The following NR2F1-AS1 variants were observed in gnomAD, a reference collection of about 807,000 sequenced individuals.
NR2F1-AS1 encodes NR2F1 regulatory antisense RNA 1.
intron 4 of NR2F1-AS1, among the ~76,000 whole-genome samples, chr5:93,510,266 GT>G (rs1424455253): frequency 1.3e-5 from 2 of 152,210 alleles, no homozygotes; most frequent in East Asian, 3.9e-4. Context: ...GAACTAAAGA[GT>G]CTCTGATTTC....
At chr5:93,574,709 T>C (rs1752856916) in intron 1 of NR2F1-AS1, among the ~76,000 whole-genome samples, 1 of 152,184 alleles carries the variant, frequency 6.6e-6, no homozygotes, top group Admixed American at 6.5e-5. Context: ...TTTCTTATAT[T>C]TTTTTTCTTC....
chr5:93,581,358 G>A (rs958757059), upstream of NR2F1-AS1: 1 of 152,228 alleles, frequency 6.6e-6, no homozygotes, highest in Non-Finnish European at 1.5e-5. Context: ...TCAAAACGAG[G>A]GGGGTGCGAG....
chr5:93,447,507 A>G (rs1749739334), intron 4 of NR2F1-AS1, among the ~76,000 whole-genome samples: 1 of 152,220 alleles, frequency 6.6e-6, no homozygotes, highest in Non-Finnish European at 1.5e-5. Context: ...ACAATGAGAT[A>G]CCATCTCAAA....
intron 2 of NR2F1-AS1, among the ~76,000 whole-genome samples, chr5:93,561,544 G>A (rs1033108474): frequency 1.3e-5 from 2 of 151,988 alleles, no homozygotes; most frequent in African/African-American, 4.8e-5. Flanking sequence ...AGGCCAAAGC[G>A]GGAGGTTCGC....
At chr5:93,483,501 AC>A (rs1378808790) in intron 4 of NR2F1-AS1, among the ~76,000 whole-genome samples, 2 of 152,188 alleles carry the variant, frequency 1.3e-5, no homozygotes, top group Non-Finnish European at 2.9e-5. Context: ...AAAAAACAGC[AC>A]AAAAAAGCTG....
intron 4 of NR2F1-AS1, among the ~76,000 whole-genome samples, chr5:93,479,612 A>G (rs964210672): frequency 6.6e-6 from 1 of 152,220 alleles, no homozygotes; most frequent in Non-Finnish European, 1.5e-5. Flanking sequence ...CCAGTTCTCA[A>G]CAAAAAATTA....
At chr5:93,552,752 A>G (rs1295576877) in intron 4 of NR2F1-AS1, among the ~76,000 whole-genome samples, 1 of 152,154 alleles carries the variant, frequency 6.6e-6, no homozygotes, top group African/African-American at 2.4e-5. Context: ...TGATAACTCA[A>G]GTGAAAGCAA....
intron 4 of NR2F1-AS1, among the ~76,000 whole-genome samples, chr5:93,505,681 A>G (rs1233242248): frequency 1.3e-5 from 2 of 152,308 alleles, no homozygotes; most frequent in African/African-American, 2.4e-5. Flanking sequence ...CAAGCTTTAC[A>G]TTGGCCCCTT....
intron 4 of NR2F1-AS1, among the ~76,000 whole-genome samples, chr5:93,551,178 T>G (rs1752219377): frequency 6.6e-6 from 1 of 152,058 alleles, no homozygotes; most frequent in Non-Finnish European, 1.5e-5. Flanking sequence ...CAGGAAAATT[T>G]CATTCCTTCC....
intron 4 of NR2F1-AS1, among the ~76,000 whole-genome samples, chr5:93,530,215 G>C (rs1024589788): frequency 6.6e-6 from 1 of 151,676 alleles, no homozygotes; most frequent in Non-Finnish European, 1.5e-5. Context: ...ACAGTAGCTG[G>C]GACTACAGGT....
At chr5:93,563,108 G>A (rs1290466010) in intron 2 of NR2F1-AS1, among the ~76,000 whole-genome samples, 3 of 152,198 alleles carry the variant, frequency 2.0e-5, no homozygotes, top group Non-Finnish European at 4.4e-5. Context: ...CTAAAGTGAA[G>A]TCATTAAGAA....
intron 1 of NR2F1-AS1, among the ~76,000 whole-genome samples, chr5:93,572,793 T>G (rs1236391734): frequency 6.6e-6 from 1 of 152,250 alleles, no homozygotes; most frequent in Non-Finnish European, 1.5e-5. Context: ...TCCCCATCAA[T>G]TAACCACACC....
At chr5:93,493,372 T>C (rs1045252438) in intron 4 of NR2F1-AS1, among the ~76,000 whole-genome samples, 1 of 151,960 alleles carries the variant, frequency 6.6e-6, no homozygotes, top group Non-Finnish European at 1.5e-5. Flanking sequence ...TATTGTGTAA[T>C]ACACAATAAA....
chr5:93,458,047 C>T (rs778340820), intron 4 of NR2F1-AS1, among the ~76,000 whole-genome samples: 7 of 152,090 alleles, frequency 4.6e-5, no homozygotes, highest in Non-Finnish European at 7.4e-5. Context: ...AAAGCACCCA[C>T]GTTGGGCACC....
intron 4 of NR2F1-AS1, among the ~76,000 whole-genome samples, chr5:93,484,558 AC>A (rs1411523769): frequency 2.0e-5 from 3 of 152,134 alleles, no homozygotes; most frequent in Non-Finnish European, 4.4e-5. Flanking sequence ...GAGCAAAATA[AC>A]CACCTAGCAT....
chr5:93,550,304 C>T (rs189513747), intron 4 of NR2F1-AS1, among the ~76,000 whole-genome samples: 94 of 152,152 alleles, frequency 6.2e-4, no homozygotes, highest in Non-Finnish European at 1.5e-4. Context: ...TTCGGTTTAA[C>T]GAATGGAAAT....
At chr5:93,547,605 A>G (rs1174069885) in intron 4 of NR2F1-AS1, among the ~76,000 whole-genome samples, 1 of 152,222 alleles carries the variant, frequency 6.6e-6, no homozygotes, top group East Asian at 1.9e-4. Flanking sequence ...TAATAAAAAG[A>G]TATCATAATT....
intron 4 of NR2F1-AS1, among the ~76,000 whole-genome samples, chr5:93,537,034 C>T (rs1217407940): frequency 1.3e-5 from 2 of 152,150 alleles, no homozygotes; most frequent in Non-Finnish European, 2.9e-5. Flanking sequence ...GTGAGGCCTC[C>T]GCAGCCATGT....
intron 4 of NR2F1-AS1, among the ~76,000 whole-genome samples, chr5:93,522,857 A>G (rs1751532015): frequency 6.6e-6 from 1 of 152,172 alleles, no homozygotes; most frequent in Admixed American, 6.5e-5. Context: ...TGCAGACCAG[A>G]AGATTCCTTT....
Sources: gnomAD v4.1 joint callset for allele counts (sites outside exome capture counted in the v4.1 genomes callset) on GRCh38, gnomAD v4.1.1 for gene constraint, MANE v1.5 for transcripts, NCBI Gene and HGNC (gene_info 2026-07-23, HGNC 2026-07-21) for gene names.